Variants in CKAP5 observed in about 807,000 individuals in gnomAD.
CKAP5 encodes the protein cytoskeleton-associated protein 5.
In CKAP5, 27 loss-of-function variants were observed where a neutral mutation model predicts 232.8. The ratio of observed to expected loss-of-function variants is 0.12; its 90% CI spans 0.09 to 0.16. CKAP5 has a LOEUF of 0.16. Ranked by LOEUF, CKAP5 falls within the 10% of genes least tolerant of loss-of-function variation. CKAP5 has a pLI of 1.00. For synonymous variants in CKAP5, 785 were observed against 841.1 expected, an observed-to-expected ratio of 0.93 and a Z score of 1.16; for missense variants, 1,838 against 2,424.7, an observed-to-expected ratio of 0.76 and a Z score of 5.08.
intron 42 of CKAP5, among the ~76,000 whole-genome samples, chr11:46,747,022 A>G (rs2065027330): frequency 6.6e-6 from 1 of 152,148 alleles, no homozygotes; most frequent in Admixed American, 6.5e-5. Context: ...GCAACTGTCC[A>G]GCTACTCGGG....
intron 4 of CKAP5, among the ~76,000 whole-genome samples, chr11:46,815,941 C>G (rs143515257): frequency 6.6e-6 from 1 of 152,132 alleles, no homozygotes; most frequent in Non-Finnish European, 1.5e-5. Context: ...AGAATTACCC[C>G]CTGAGCTCTG....
rs778189046 is a variant in CKAP5, at chr11:46,769,943, C to A, written c.3322+20G>T. On this transcript the variant is annotated intron_variant, in intron 26 of 43. Transcript: ENST00000529230. ...TCAGGGCTATTTCCTTCCCCTTTAA[C>A]CTTCTTAAGATAGAGTTACCTGATG... 1.2e-6 allele frequency: 2 copies of A among 1,613,668 alleles called. No homozygotes were observed. The highest frequency in any genetic ancestry group is 1.7e-6 in the Non-Finnish European group (2 of 1,179,688).
At chr11:46,761,602 G>A (rs976416550) in intron 32 of CKAP5, among the ~76,000 whole-genome samples, 2 of 152,212 alleles carry the variant, frequency 1.3e-5, no homozygotes, top group African/African-American at 4.8e-5. Context: ...GCTCACGGCT[G>A]TAGCGCAAGA....
intron 2 of CKAP5, among the ~76,000 whole-genome samples, chr11:46,818,978 T>C (rs922356563): frequency 6.6e-6 from 1 of 152,192 alleles, no homozygotes; most frequent in African/African-American, 2.4e-5. Context: ...TCTTTTTTCA[T>C]TAATTTATTC....
Position 46,818,325 on chromosome 11 carries a change from G to A in CKAP5, c.236C>T (p.Ala79Val), listed in dbSNP as rs1457813887. ...AAGTACTTACTTTCCTGCTACATGGGCATTTTCAACATAAACAAGTGCAGC... is the reference window on the plus strand; with the variant it reads ...AAGTACTTACTTTCCTGCTACATGGACATTTTCAACATAAACAAGTGCAGC... ...LEAALVYVEN[A>V]HVAGKTTGEV... is the part of the protein sequence containing the mutation. Residue 79 changes from alanine to valine, a missense_variant, in exon 3 of 44, where the codon GCC (alanine) becomes GTC (valine). This residue lies in a region of CKAP5 where 285 missense variants were observed against 300.0 expected (regional missense o/e 0.95). Coordinates refer to ENST00000529230, the MANE Select transcript of CKAP5 (RefSeq NM_001008938.4). 11 of 1,586,972 alleles carry A rather than the reference G, an allele frequency of 6.9e-6. No individual in the cohort carries two copies. Among genetic ancestry groups the A allele is most frequent in the Non-Finnish European group, 8.5e-6 (10 of 1,170,044 alleles).
intron 4 of CKAP5, among the ~76,000 whole-genome samples, chr11:46,812,760 C>T (rs1939306933): frequency 1.3e-5 from 2 of 151,984 alleles, no homozygotes; most frequent in Non-Finnish European, 2.9e-5. Flanking sequence ...GACTCAGTCC[C>T]CCAAGCAGCT....
chr11:46,813,736 A>G (rs1939328013), intron 4 of CKAP5, among the ~76,000 whole-genome samples: 1 of 152,150 alleles, frequency 6.6e-6, no homozygotes, highest in African/African-American at 2.4e-5. Flanking sequence ...AAAACATGAG[A>G]TATACGTAAC....
rs1368875896 is a variant in CKAP5, at chr11:46,752,191, TATAC to T, written c.5133+440_5133+443del. 1.4e-4 allele frequency among the ~76,000 whole-genome samples: 10 copies of T among 73,140 alleles called. 1 individual carries two copies. The highest frequency in any genetic ancestry group is 2.3e-4 in the African/African-American group (5 of 22,032). 48.0% of individuals were successfully genotyped at this position (73,140 alleles called of 152,430 possible). Reference sequence around the variant, plus strand: ...ATATATATATATATATATATATATATATACACACACACACACACACACACACACA... The same window carrying T: ...ATATATATATATATATATATATATATACACACACACACACACACACACACA... On this transcript the variant is annotated intron_variant, in intron 38 of 43. Transcript: ENST00000529230.
intron 3 of CKAP5, among the ~76,000 whole-genome samples, chr11:46,817,067 T>C (rs543236532): frequency 6.6e-6 from 1 of 150,774 alleles, no homozygotes; most frequent in African/African-American, 2.4e-5. Flanking sequence ...GATCGCGCCA[T>C]TGCACTCCAG....
At chr11:46,828,778 C>T (rs1028429366) in intron 1 of CKAP5, among the ~76,000 whole-genome samples, 1 of 151,958 alleles carries the variant, frequency 6.6e-6, no homozygotes. Flanking sequence ...ACTGTATGAA[C>T]CCACTTTTAT....
chr11:46,816,376 C>T lies in CKAP5; in HGVS notation c.280G>A (p.Val94Ile). 6.2e-7 allele frequency: 1 copy of T among 1,614,020 alleles called. No homozygotes were observed. The highest frequency in any genetic ancestry group is 1.3e-5 in the African/African-American group (1 of 75,002). The change falls in exon 4 of 44, where the codon GTA becomes ATA. Residue 94 changes from valine to isoleucine, a missense_variant. By Grantham distance (29) the Val-to-Ile change is conservative. Around this residue, in one of 6 missense-constraint regions of CKAP5, gnomAD observed 285 missense variants for 300.0 expected, o/e 0.95. Transcript: ENST00000529230. ...KTTGEVVSGV[V>I]SKVFNQPKAK... ...TTAGGTTGATTGAACACCTTACTTACAACACCTGACACAACTTCTCCTGTG... is the reference window on the plus strand; with the variant it reads ...TTAGGTTGATTGAACACCTTACTTATAACACCTGACACAACTTCTCCTGTG...
intron 42 of CKAP5, among the ~76,000 whole-genome samples, chr11:46,747,467 A>G (rs2134562541): frequency 6.6e-6 from 1 of 151,594 alleles, no homozygotes; most frequent in South Asian, 2.1e-4. Flanking sequence ...CTGGGCGTGG[A>G]GGTGCACGTC....
At chr11:46,767,073 G>C (rs951919650) in intron 27 of CKAP5, among the ~76,000 whole-genome samples, 4 of 151,196 alleles carry the variant, frequency 2.6e-5, no homozygotes, top group African/African-American at 4.9e-5. Flanking sequence ...CCAGGCTGGA[G>C]TGCAATGGCG....
intron 23 of CKAP5, 68 bp downstream of exon 23, chr11:46,777,371 T>TA: frequency 1.1e-6 from 1 of 949,506 alleles, no homozygotes; most frequent in South Asian, 1.4e-5. Flanking sequence ...AAAAGAGAAT[T>TA]ATCTTTAACC....
At chr11:46,750,030 A>C (rs1352166552) in intron 42 of CKAP5, among the ~76,000 whole-genome samples, 2 of 152,202 alleles carry the variant, frequency 1.3e-5, no homozygotes, top group Admixed American at 1.3e-4. Context: ...AGCATGGAGA[A>C]CTGGAAGCGA....
rs368026707 is a variant in CKAP5 at position 46,776,362 on chromosome 11, G to A, written c.2884C>T (p.Leu962=). ...TCTGCCCAAGCATTCACAGTCGCTAGGGCAGCAGCTCGAACATTGTTCTAA... is the reference window on the plus strand; with the variant it reads ...TCTGCCCAAGCATTCACAGTCGCTAAGGCAGCAGCTCGAACATTGTTCTAA... ...DSKNNVRAAA[L]ATVNAWAEQT... is the part of the protein sequence containing the mutation. Residue 962 remains leucine, a synonymous_variant, in exon 24 of 44, where the codon CTA becomes TTA. Transcript: ENST00000529230. 1 of 1,612,508 alleles carries A rather than the reference G, an allele frequency of 6.2e-7. No homozygotes were observed. Among genetic ancestry groups the A allele is most frequent in the African/African-American group, 1.3e-5 (1 of 74,948 alleles).
intron 9 of CKAP5, among the ~76,000 whole-genome samples, chr11:46,798,493 T>C (rs1030742879): frequency 6.6e-6 from 1 of 151,698 alleles, no homozygotes; most frequent in Admixed American, 6.6e-5. Context: ...GGTGGGAGGA[T>C]TACTTGAACC....
chr11:46,753,542 G>A (rs771369682), intron 36 of CKAP5, 45 bp from the exon 37 acceptor site: 7 of 1,382,194 alleles, frequency 5.1e-6, no homozygotes, highest in Admixed American at 2.2e-5. Flanking sequence ...ACTCAATATA[G>A]AGAGTAAAGA....
chr11:46,803,407 T>G (rs1186050952), intron 8 of CKAP5, among the ~76,000 whole-genome samples: 2 of 151,958 alleles, frequency 1.3e-5, no homozygotes, highest in Admixed American at 6.6e-5. Context: ...TGGCTGGGAC[T>G]AAAGGCACAT....
Sources: allele counts gnomAD v4.1 joint callset (sites outside exome capture counted in the v4.1 genomes callset), GRCh38; gene constraint gnomAD v4.1.1; regional missense constraint gnomAD v4.1.1; transcripts MANE v1.5; gene names NCBI Gene and HGNC (gene_info 2026-07-23, HGNC 2026-07-21).